Variants in TBK1 observed in about 807,000 individuals in gnomAD.
The protein encoded by TBK1 is TANK binding kinase 1.
A neutral mutation model predicts 99.9 loss-of-function variants in TBK1; 37 were observed. The ratio of observed to expected loss-of-function variants is 0.37; its 90% CI spans 0.28 to 0.49. TBK1 has a LOEUF of 0.49. TBK1 is among the 20% of genes least tolerant of loss of function. The probability of loss-of-function intolerance (pLI) is 0.98; values close to 1 mark genes in which losing one functional copy is unlikely to be tolerated. For synonymous variants in TBK1, 258 were observed against 279.8 expected (o/e 0.92, Z 0.78); for missense variants, 644 against 872.5 (o/e 0.74, Z 3.30).
intron 7 of TBK1, 130 bp from the exon 8 acceptor site, chr12:64,481,712 A>T (rs2040769397): frequency 1.6e-6 from 1 of 621,898 alleles, no homozygotes; most frequent in Non-Finnish European, 2.4e-6. Flanking sequence ...GACAGATTTT[A>T]AATTTTTTAA....
At chr12:64,456,809 T>C (rs1229284384) in intron 2 of TBK1, among the ~76,000 whole-genome samples, 4 of 147,186 alleles carry the variant, frequency 2.7e-5, no homozygotes, top group Non-Finnish European at 5.9e-5. Flanking sequence ...ACCACTGCAC[T>C]CCAGCCTGGG....
Position 64,495,658 on chromosome 12 carries a change from T to C in TBK1, c.1644-41T>C, listed in dbSNP as rs771071966. On this transcript the variant is annotated intron_variant, in intron 14 of 20. Coordinates refer to ENST00000331710, the MANE Select transcript of TBK1 (RefSeq NM_013254.4). ...GCTCTTATTAATGTCCTTTTTCACA[T>C]TGACTCAGTTAATTTATTTGAGTTT... 5.0e-6 allele frequency: 8 copies of C among 1,612,524 alleles called. No homozygotes were observed. The Admixed American group carries it at 1.3e-4, about 27-fold the overall frequency.
In TBK1 at chr12:64,499,634, C is replaced by A. The variant is rs192407605; in HGVS notation, c.2138+1595C>A. Among the ~76,000 whole-genome samples the A allele has an allele frequency of 1.2e-4, 18 of 146,000 alleles. No individual in the cohort carries two copies. In the East Asian group the frequency reaches 2.7e-3, roughly 22 times the overall value. On this transcript the variant is annotated intron_variant, in intron 20 of 20. Transcript: ENST00000331710. ...TATCCAGTTTACAGTTTCTTCAGAA[C>A]TTTAGCTAAATCCTTTTAGGCTTAA...
intron 5 of TBK1, among the ~76,000 whole-genome samples, chr12:64,469,958 G>A (rs1423097006): frequency 3.3e-5 from 5 of 152,100 alleles, no homozygotes; most frequent in Admixed American, 3.3e-4. Flanking sequence ...GCTTGCCAAG[G>A]TTTACTGCTC....
Position 64,488,476 on chromosome 12 carries a change from T to C in TBK1, c.1341-11T>C, listed in dbSNP as rs2040838985. The C allele has an allele frequency of 5.3e-6, 8 of 1,502,968 alleles. No individual in the cohort carries two copies. The East Asian group carries it at 1.9e-4, about 36-fold the overall frequency. 93.1% of individuals were successfully genotyped at this position (1,502,968 alleles called of 1,614,324 possible). On this transcript the variant is annotated splice_polypyrimidine_tract_variant and intron_variant, in intron 11 of 20. Coordinates refer to ENST00000331710, the MANE Select transcript of TBK1 (RefSeq NM_013254.4). ...TTAGATAAACTAATTAGAATAATTT[T>C]CTTTTTTTAGTGAATTAATTAAAGA...
chr12:64,492,763 G>T (rs754297004), intron 13 of TBK1, among the ~76,000 whole-genome samples: 3 of 146,534 alleles, frequency 2.0e-5, no homozygotes, highest in Non-Finnish European at 4.5e-5. Context: ...TCACTCTTTC[G>T]CCAGGTTGGA....
chr12:64,477,059 T>C (rs2040721409), intron 6 of TBK1, among the ~76,000 whole-genome samples: 1 of 152,218 alleles, frequency 6.6e-6, no homozygotes, highest in African/African-American at 2.4e-5. Context: ...CATGCTGTTT[T>C]GGTTACCGTA....
At chr12:64,488,631 A>G in intron 12 of TBK1, 43 bp downstream of exon 12, 3 of 1,282,926 alleles carry the variant, frequency 2.3e-6, no homozygotes, top group Non-Finnish European at 3.3e-6. Flanking sequence ...AAATTATTAA[A>G]TGTTCCATTT....
At chr12:64,458,116 CACACAT>C (rs1429518587) in intron 2 of TBK1, among the ~76,000 whole-genome samples, 4 of 151,536 alleles carry the variant, frequency 2.6e-5, no homozygotes, top group East Asian at 1.9e-4. Flanking sequence ...CACACACACA[CACACAT>C]ACACACACGA....
intron 6 of TBK1, among the ~76,000 whole-genome samples, chr12:64,476,922 G>A (rs2040720317): frequency 6.6e-6 from 1 of 152,104 alleles, no homozygotes; most frequent in African/African-American, 2.4e-5. Flanking sequence ...TTCGAATAGG[G>A]TATCCTTTCC....
intron 15 of TBK1, 36 bp from the exon 16 acceptor site, chr12:64,496,331 T>A (rs1283016430): frequency 9.9e-7 from 1 of 1,008,566 alleles, no homozygotes. Context: ...ATTATGATTC[T>A]ATATTAACAA....
At chr12:64,497,842 A>G (rs983463484) in intron 19 of TBK1, 88 bp downstream of exon 19, 1 of 1,401,696 alleles carries the variant, frequency 7.1e-7, no homozygotes, top group African/African-American at 1.4e-5. Flanking sequence ...GAAATTTTTT[A>G]TGTTTGTTGT....
chr12:64,467,043 T>A lies in TBK1; in HGVS notation c.501T>A (p.Asp167Glu), dbSNP rs1342379769. 1 of 1,609,910 alleles carries A rather than the reference T, an allele frequency of 6.2e-7. No homozygotes were observed. The highest frequency in any genetic ancestry group is 1.1e-5 in the South Asian group (1 of 90,520). ...GTGCAGCTAGAGAATTAGAAGATGA[T>A]GAGCAGTTTGTTTCTCTGTATGGCA... ...DFGAARELED[D>E]EQFVSLYGTE... Residue 167 changes from aspartate (D) to glutamate (E), a missense_variant, in exon 5 of 21, where the codon GAT becomes GAA. Physicochemically the swap from Asp to Glu is conservative, Grantham distance 45. Transcript: ENST00000331710.
At chr12:64,454,320 C>T (rs986771132) in intron 1 of TBK1, among the ~76,000 whole-genome samples, 2 of 152,284 alleles carry the variant, frequency 1.3e-5, no homozygotes, top group Admixed American at 6.5e-5. Flanking sequence ...GATCTCAGCT[C>T]ACTGCAACCT....
intron 4 of TBK1, among the ~76,000 whole-genome samples, chr12:64,465,242 C>A (rs1450812525): frequency 2.3e-3 from 134 of 57,876 alleles, no homozygotes; most frequent in South Asian, 0.011. Context: ...AAGACTATCT[C>A]AAAAAAAAAA....
At chr12:64,488,383 A>G (rs2040838017) in intron 11 of TBK1, 104 bp from the exon 12 acceptor site, 1 of 581,216 alleles carries the variant, frequency 1.7e-6, no homozygotes, top group African/African-American at 1.9e-5. Flanking sequence ...TATCATGAAT[A>G]TTGTTATAAA....
At chr12:64,465,497 T>G (rs1278393491) in intron 4 of TBK1, among the ~76,000 whole-genome samples, 1 of 111,492 alleles carries the variant, frequency 9.0e-6, no homozygotes. Context: ...TTATTCATAA[T>G]AGCAAAAAAA....
rs771879663 is a variant in TBK1 at position 64,493,137 on chromosome 12, GC to G, written c.1522-2343del. 6.5e-4 allele frequency among the ~76,000 whole-genome samples: 98 copies of G among 151,806 alleles called. 1 individual carries two copies. Among genetic ancestry groups the G allele is most frequent in the Non-Finnish European group, 1.3e-3 (85 of 67,944 alleles). ...TCTCAATCTCCTGACCTCATGATCT[GC>G]CCACGTCGGCCTCCCAAAGTGCTGG... is the stretch of plus-strand genomic sequence containing the variant. On this transcript the variant is annotated intron_variant, in intron 13 of 20. Coordinates refer to ENST00000331710, the MANE Select transcript of TBK1 (RefSeq NM_013254.4).
chr12:64,453,356 C>T (rs906021026), intron 1 of TBK1, among the ~76,000 whole-genome samples: 1 of 152,138 alleles, frequency 6.6e-6, no homozygotes, highest in African/African-American at 2.4e-5. Flanking sequence ...TTTACAGTTA[C>T]ATTGATTAGG....
Sources: allele counts gnomAD v4.1 joint callset (sites outside exome capture counted in the v4.1 genomes callset), GRCh38; gene constraint gnomAD v4.1.1; transcripts MANE v1.5; gene names NCBI Gene and HGNC (gene_info 2026-07-23, HGNC 2026-07-21).